Variants in TLL2 observed in about 807,000 individuals in gnomAD.
TLL2 encodes tolloid-like protein 2.
TLL2 carries 106 observed loss-of-function variants against 123.0 expected under a neutral mutation model. The observed-to-expected ratio is 0.86, with a 90% CI of 0.74 to 1.01. The LOEUF (loss-of-function observed/expected upper bound fraction) is 1.01. Ranked by LOEUF, TLL2 falls within the 50% of genes least tolerant of loss-of-function variation. The pLI, the probability that TLL2 is intolerant of heterozygous loss-of-function variation, is 0.00. For synonymous variants in TLL2, 494 were observed against 516.8 expected (o/e 0.96, Z 0.60); for missense variants, 1,332 against 1,336.7 (o/e 1.00, Z 0.06).
chr10:96,431,268 C>CTT (rs5787185), intron 4 of TLL2, among the ~76,000 whole-genome samples: 48 of 152,010 alleles, frequency 3.2e-4, no homozygotes, highest in Admixed American at 1.1e-3. Flanking sequence ...TCTTAGTCAT[C>CTT]TTTTTTACCA....
intron 3 of TLL2, among the ~76,000 whole-genome samples, chr10:96,441,648 T>C (rs536381754): frequency 6.6e-6 from 1 of 152,222 alleles, no homozygotes; most frequent in East Asian, 1.9e-4. Flanking sequence ...TTTGGACAAA[T>C]CACTTCCCCT....
Position 96,455,683 on chromosome 10 carries a change from C to T in TLL2, c.287-9515G>A, listed in dbSNP as rs140848190. ...TGAAGTTACCCTATATGATCTAAAA[C>T]GGGGAGGCATGAATAATCCACCCCT... On this transcript the variant is annotated intron_variant, in intron 2 of 20. Transcript: ENST00000357947. Among the ~76,000 whole-genome samples, 444 of 152,314 alleles carry T rather than the reference C, an allele frequency of 2.9e-3. 1 individual carries two copies. The highest frequency in any genetic ancestry group is 5.8e-3 in the Non-Finnish European group (395 of 68,018).
intron 2 of TLL2, among the ~76,000 whole-genome samples, chr10:96,447,700 T>C (rs1047616817): frequency 1.3e-5 from 2 of 152,332 alleles, no homozygotes; most frequent in Admixed American, 6.5e-5. Flanking sequence ...CAAAGGACAA[T>C]CTATTTTTAA....
At chr10:96,371,004 T>C (rs993065493) in intron 19 of TLL2, among the ~76,000 whole-genome samples, 4 of 152,164 alleles carry the variant, frequency 2.6e-5, no homozygotes, top group Non-Finnish European at 5.9e-5. Flanking sequence ...CCTTGTGTCT[T>C]GGACACTTAA....
At chr10:96,463,756 C>G (rs1055380225) in intron 2 of TLL2, among the ~76,000 whole-genome samples, 1 of 152,362 alleles carries the variant, frequency 6.6e-6, no homozygotes, top group Non-Finnish European at 1.5e-5. Context: ...GCAGACGCAG[C>G]TCACGGCCCC....
At chr10:96,382,717 A>G (rs965043747) in intron 16 of TLL2, among the ~76,000 whole-genome samples, 2 of 152,214 alleles carry the variant, frequency 1.3e-5, no homozygotes, top group African/African-American at 4.8e-5. Context: ...ATGACACAGC[A>G]AGAAGGCATT....
At chr10:96,459,049 T>C (rs531522545) in intron 2 of TLL2, among the ~76,000 whole-genome samples, 2 of 152,344 alleles carry the variant, frequency 1.3e-5, no homozygotes, top group Non-Finnish European at 1.5e-5. Flanking sequence ...AGGAGAATTA[T>C]GCATTTTTAT....
chr10:96,441,007 G>A (rs920249278), intron 3 of TLL2, among the ~76,000 whole-genome samples: 4 of 152,256 alleles, frequency 2.6e-5, no homozygotes, highest in African/African-American at 9.6e-5. Flanking sequence ...CAGGGCGTCT[G>A]ACAGGATTTA....
intron 5 of TLL2, among the ~76,000 whole-genome samples, chr10:96,428,110 A>G (rs931198430): frequency 6.6e-6 from 1 of 152,106 alleles, no homozygotes; most frequent in African/African-American, 2.4e-5. Flanking sequence ...TGGGTTTTTG[A>G]TCCAACATGA....
At chr10:96,370,438 G>A (rs1014785157) in intron 19 of TLL2, 123 bp from the exon 20 acceptor site, 1 of 1,338,008 alleles carries the variant, frequency 7.5e-7, no homozygotes. Context: ...AGGTAGTCTC[G>A]TCACCCCATT....
rs375434362 is a variant in TLL2, at chr10:96,385,943, C to T, written c.2013+112G>A. 7.1e-5 allele frequency: 86 copies of T among 1,212,404 alleles called. No homozygotes were observed. The South Asian group carries it at 1.1e-3, about 16-fold the overall frequency. 75.1% of individuals were successfully genotyped at this position (1,212,404 alleles called of 1,614,324 possible). A position where few individuals can be genotyped will look rare whatever the true frequency, so the allele number is the denominator to read the frequency against. ...TGCTAGCGCAGGTCCTAAGACTGTCCAAAGCTTCAGTCAACACAAGCCATC... is the reference window on the plus strand; with the variant it reads ...TGCTAGCGCAGGTCCTAAGACTGTCTAAAGCTTCAGTCAACACAAGCCATC... On this transcript the variant is annotated intron_variant, in intron 15 of 20. Transcript: ENST00000357947.
intron 4 of TLL2, among the ~76,000 whole-genome samples, chr10:96,429,742 C>A (rs1846718741): frequency 6.6e-6 from 1 of 152,172 alleles, no homozygotes. Flanking sequence ...CATCTGTGTA[C>A]TTTTGCACGG....
chr10:96,464,488 C>T (rs1291306921), intron 2 of TLL2, among the ~76,000 whole-genome samples: 1 of 152,076 alleles, frequency 6.6e-6, no homozygotes, highest in East Asian at 1.9e-4. Flanking sequence ...CTCCCCTACA[C>T]CCTAGAATGT....
chr10:96,475,313 C>G (rs1192361481), intron 2 of TLL2, among the ~76,000 whole-genome samples: 1 of 152,156 alleles, frequency 6.6e-6, no homozygotes, highest in African/African-American at 2.4e-5. Flanking sequence ...ACTAAGTGGG[C>G]TCTTAAGCCA....
chr10:96,499,589 T>C (rs1748974287), intron 1 of TLL2, among the ~76,000 whole-genome samples: 1 of 152,234 alleles, frequency 6.6e-6, no homozygotes, highest in Non-Finnish European at 1.5e-5. Context: ...GATACAACCA[T>C]ACAAACATCT....
chr10:96,478,511 G>A (rs1430647593), intron 2 of TLL2, among the ~76,000 whole-genome samples: 1 of 152,228 alleles, frequency 6.6e-6, no homozygotes, highest in Non-Finnish European at 1.5e-5. Flanking sequence ...GAGTGCTCGT[G>A]TTCACCAAAA....
At chr10:96,441,250 G>A (rs1589423320) in intron 3 of TLL2, among the ~76,000 whole-genome samples, 2 of 152,206 alleles carry the variant, frequency 1.3e-5, no homozygotes, top group Non-Finnish European at 2.9e-5. Context: ...AAGTAAACAC[G>A]CTGACAGCCC....
chr10:96,488,100 G>T (rs1327936237), intron 1 of TLL2, among the ~76,000 whole-genome samples: 1 of 152,192 alleles, frequency 6.6e-6, no homozygotes, highest in African/African-American at 2.4e-5. Flanking sequence ...TGGGGTTGTT[G>T]CGAGCATCAG....
At chr10:96,482,359 A>G (rs1847319855) in intron 1 of TLL2, among the ~76,000 whole-genome samples, 3 of 152,232 alleles carry the variant, frequency 2.0e-5, no homozygotes, top group Admixed American at 6.5e-5. Context: ...ACACATGTTC[A>G]TACAAAGACA....
Sources: allele counts gnomAD v4.1 joint callset (sites outside exome capture counted in the v4.1 genomes callset), GRCh38; gene constraint gnomAD v4.1.1; transcripts MANE v1.5; gene names NCBI Gene and HGNC (gene_info 2026-07-23, HGNC 2026-07-21).